Variants in RBM47 observed in about 807,000 individuals in gnomAD.
RBM47 encodes RNA binding motif protein 47, also known as RNA-binding protein 47.
A neutral mutation model predicts 47.1 loss-of-function variants in RBM47; 21 were observed. The observed-to-expected ratio is 0.45, with a 90% CI of 0.32 to 0.64. The LOEUF is 0.64. Ranked by LOEUF, RBM47 falls within the 30% of genes least tolerant of loss-of-function variation. The pLI is 0.05. For missense variants in RBM47, 708 were observed against 870.9 expected (o/e 0.81, Z 2.35); for synonymous variants, 375 against 361.7 (o/e 1.04, Z -0.42).
rs563527637 is a variant in RBM47, at chr4:40,438,120, G to C, written c.774C>G (p.Thr258=). ...CGAAGCTCTTCTTGATGGTGTCCTC[G>C]GTGGTCTCGATCATGAGGTTGCGCA... ...LYVRNLMIET[T]EDTIKKSFGQ... Residue 258 remains threonine, a synonymous_variant, in exon 4 of 7, where the codon ACC becomes ACG. Coordinates refer to ENST00000295971, the MANE Select transcript of RBM47 (RefSeq NM_001098634.2). 6.2e-7 allele frequency: 1 copy of C among 1,613,414 alleles called. No homozygotes were observed. Among genetic ancestry groups the C allele is most frequent in the Middle Eastern group, 1.7e-4 (1 of 6,060 alleles).
chr4:40,554,912 C>T (rs1223410354), intron 1 of RBM47, among the ~76,000 whole-genome samples: 7 of 152,034 alleles, frequency 4.6e-5, no homozygotes, highest in African/African-American at 1.7e-4. Context: ...CAGGCACGCA[C>T]CACAACACTC....
At chr4:40,474,775 C>G (rs191734769) in intron 2 of RBM47, among the ~76,000 whole-genome samples, 1 of 152,268 alleles carries the variant, frequency 6.6e-6, no homozygotes, top group East Asian at 1.9e-4. Flanking sequence ...TCTTTGAACC[C>G]AAACTTATCT....
intron 1 of RBM47, among the ~76,000 whole-genome samples, chr4:40,605,559 G>C (rs1231379804): frequency 6.6e-6 from 1 of 151,992 alleles, no homozygotes; most frequent in Non-Finnish European, 1.5e-5. Flanking sequence ...GGCCGGGCAC[G>C]GTGGCTCACG....
rs775314546 is a variant in RBM47, at chr4:40,570,128, G to A, written c.-239-25622C>T. Among the ~76,000 whole-genome samples, 22 of 152,006 alleles carry A rather than the reference G, an allele frequency of 1.4e-4. 1 individual carries two copies. The highest frequency in any genetic ancestry group is 2.8e-4 in the Non-Finnish European group (19 of 67,914). On this transcript the variant is annotated intron_variant, in intron 1 of 6. Transcript: ENST00000295971. ...CCCAACCTTTTTGGCACCAGGGACC[G>A]GTTTCATGGAAGACAATTTTTCCAT...
intron 3 of RBM47, among the ~76,000 whole-genome samples, chr4:40,442,862 TG>T: frequency 6.6e-6 from 1 of 152,148 alleles, no homozygotes; most frequent in East Asian, 1.9e-4. Flanking sequence ...TTAGTACAGG[TG>T]GGGTTTCACC....
intron 1 of RBM47, among the ~76,000 whole-genome samples, chr4:40,627,070 T>C (rs1737810598): frequency 6.6e-6 from 1 of 152,186 alleles, no homozygotes; most frequent in Admixed American, 6.5e-5. Context: ...CCTTTTATGA[T>C]ATTAAACCAG....
intron 2 of RBM47, among the ~76,000 whole-genome samples, chr4:40,526,742 T>G (rs144264901): frequency 3.4e-4 from 52 of 151,858 alleles, no homozygotes; most frequent in African/African-American, 1.2e-3. Context: ...CTAATTTTTT[T>G]ATTTTATGTA....
At chr4:40,525,068 A>C (rs1421437434) in intron 2 of RBM47, among the ~76,000 whole-genome samples, 1 of 152,176 alleles carries the variant, frequency 6.6e-6, no homozygotes, top group African/African-American at 2.4e-5. Context: ...CATGATTTGC[A>C]AATACAAAAA....
intron 1 of RBM47, among the ~76,000 whole-genome samples, chr4:40,622,754 T>C (rs1327157437): frequency 6.6e-6 from 1 of 152,158 alleles, no homozygotes; most frequent in Admixed American, 6.5e-5. Flanking sequence ...TGGTGGTGCA[T>C]GTCTGTAATC....
intron 1 of RBM47, among the ~76,000 whole-genome samples, chr4:40,549,963 C>T (rs191140768): frequency 1.8e-4 from 28 of 152,276 alleles, no homozygotes; most frequent in East Asian, 3.9e-4. Context: ...AGCCACCGTG[C>T]GCAGTAATAA....
chr4:40,530,304 TTTC>T (rs1441602560), intron 2 of RBM47, among the ~76,000 whole-genome samples: 4 of 151,884 alleles, frequency 2.6e-5, no homozygotes, highest in Admixed American at 1.3e-4. Context: ...TATTATTATT[TTTC>T]TTCTTCTTTT....
chr4:40,498,629 C>T (rs917355304), intron 2 of RBM47, among the ~76,000 whole-genome samples: 5 of 141,430 alleles, frequency 3.5e-5, no homozygotes, highest in South Asian at 2.2e-4. Flanking sequence ...GCCAATATTG[C>T]GCCATTGCAC....
At chr4:40,509,780 G>A (rs112807153) in intron 2 of RBM47, among the ~76,000 whole-genome samples, 4,707 of 152,222 alleles carry the variant, frequency 0.031, 210 homozygotes, top group African/African-American at 0.098. Context: ...TAGCTACTGC[G>A]GAGGCTGAGG....
intron 3 of RBM47, among the ~76,000 whole-genome samples, chr4:40,445,446 A>C (rs922227622): frequency 6.6e-6 from 1 of 152,210 alleles, no homozygotes; most frequent in Non-Finnish European, 1.5e-5. Context: ...TTAAAATTCC[A>C]AAAGAGATAC....
chr4:40,447,077 A>C (rs1714648598), intron 3 of RBM47, among the ~76,000 whole-genome samples: 1 of 152,194 alleles, frequency 6.6e-6, no homozygotes, highest in South Asian at 2.1e-4. Context: ...AAAGAACATG[A>C]AGAGACTTGC....
At chr4:40,510,447 A>ATGT (rs1724778959) in intron 2 of RBM47, among the ~76,000 whole-genome samples, 1 of 152,188 alleles carries the variant, frequency 6.6e-6, no homozygotes, top group African/African-American at 2.4e-5. Flanking sequence ...TACAGTAGCA[A>ATGT]GTTAGACACT....
intron 2 of RBM47, among the ~76,000 whole-genome samples, chr4:40,489,218 G>T (rs958315104): frequency 7.2e-5 from 11 of 152,118 alleles, no homozygotes; most frequent in African/African-American, 2.4e-4. Flanking sequence ...TTGGGGGAAT[G>T]GAGATAACAG....
At chr4:40,579,423 G>GAAAAAAA (rs10653342) in intron 1 of RBM47, among the ~76,000 whole-genome samples, 7,392 of 101,638 alleles carry the variant, frequency 0.073, 575 homozygotes, top group Admixed American at 0.13. Context: ...CCCTGTCTCA[G>GAAAAAAA]AAAAAAAAAA....
intron 6 of RBM47, among the ~76,000 whole-genome samples, chr4:40,427,852 T>C (rs1715278713): frequency 6.6e-6 from 1 of 151,572 alleles, no homozygotes; most frequent in Non-Finnish European, 1.5e-5. Flanking sequence ...GTAATTATAA[T>C]TTATAATAAT....
Sources: gnomAD v4.1 joint callset for allele counts (sites outside exome capture counted in the v4.1 genomes callset) on GRCh38, gnomAD v4.1.1 for gene constraint, MANE v1.5 for transcripts, NCBI Gene and HGNC (gene_info 2026-07-23, HGNC 2026-07-21) for gene names.